Variants in NRXN3 observed in about 807,000 individuals in gnomAD.
NRXN3 encodes the protein neurexin 3.
NRXN3 carries 32 observed loss-of-function variants against 137.6 expected under a neutral mutation model. The observed-to-expected ratio is 0.23, with a 90% CI of 0.18 to 0.31. The LOEUF (loss-of-function observed/expected upper bound fraction) is 0.31, where lower values mean the gene tolerates loss of function less well. Among genes scored for constraint, NRXN3 ranks in the 10% least tolerant of loss-of-function variants. The probability of loss-of-function intolerance (pLI) is 1.00; values close to 1 mark genes in which losing one functional copy is unlikely to be tolerated. For missense variants in NRXN3, 1,574 were observed against 2,062.5 expected (o/e 0.76, Z 4.59); for synonymous variants, 798 against 784.5 (o/e 1.02, Z -0.29).
chr14:79,706,247 G>A (rs1017264546), intron 19 of NRXN3, among the ~76,000 whole-genome samples: 5 of 152,108 alleles, frequency 3.3e-5, no homozygotes, highest in Admixed American at 6.6e-5. Context: ...ATTCTAGCAC[G>A]TATAGTTTTC....
intron 15 of NRXN3, among the ~76,000 whole-genome samples, chr14:79,055,226 C>T (rs2099656148): frequency 6.6e-6 from 1 of 152,124 alleles, no homozygotes; most frequent in African/African-American, 2.4e-5. Context: ...TAAAGGATGC[C>T]AAGACAGGTG....
chr14:79,629,824 T>C (rs1180762514), intron 16 of NRXN3, among the ~76,000 whole-genome samples: 5 of 73,160 alleles, frequency 6.8e-5, no homozygotes, highest in South Asian at 3.5e-4. Context: ...CGTGTGTGTG[T>C]GCGTGTGTGT....
In NRXN3 at chr14:78,173,629, C is replaced by G. The variant is rs148124376; in HGVS notation, c.-704+2955C>G. 1.4e-3 allele frequency among the ~76,000 whole-genome samples: 203 copies of G among 146,942 alleles called. 1 individual carries two copies. Among genetic ancestry groups the G allele is most frequent in the Admixed American group, 2.5e-3 (37 of 14,716 alleles). ...CTCCCCCCACCCTAGGCGCACCCCC[C>G]CTTCCTCCAGCCCTTTCCATCTTCA... On this transcript the variant is annotated intron_variant, in intron 1 of 20. Coordinates refer to ENST00000335750, the MANE Select transcript of NRXN3 (RefSeq NM_001330195.2).
intron 8 of NRXN3, among the ~76,000 whole-genome samples, chr14:78,748,498 A>G (rs193093782): frequency 2.6e-4 from 40 of 152,290 alleles, no homozygotes; most frequent in Admixed American, 4.6e-4. Flanking sequence ...GAAATTATTG[A>G]AAGAGCTAAA....
chr14:78,816,516 A>G (rs1271111459), intron 10 of NRXN3, among the ~76,000 whole-genome samples: 2 of 152,298 alleles, frequency 1.3e-5, no homozygotes, highest in Admixed American at 1.3e-4. Context: ...TAATAGCCAC[A>G]TAACATTTCA....
At chr14:78,849,515 T>C (rs748820738) in intron 10 of NRXN3, among the ~76,000 whole-genome samples, 6 of 152,152 alleles carry the variant, frequency 3.9e-5, no homozygotes, top group Admixed American at 3.9e-4. Context: ...TTCCATGATG[T>C]CCCACAAGAG....
At chr14:78,335,747 T>C (rs1409914870) in intron 4 of NRXN3, among the ~76,000 whole-genome samples, 1 of 151,978 alleles carries the variant, frequency 6.6e-6, no homozygotes, top group Non-Finnish European at 1.5e-5. Flanking sequence ...CTCTGAGTCA[T>C]GACAAAAATG....
intron 4 of NRXN3, among the ~76,000 whole-genome samples, chr14:78,430,932 T>C (rs1468075564): frequency 6.6e-6 from 1 of 152,220 alleles, no homozygotes; most frequent in East Asian, 1.9e-4. Context: ...CCTAGAGAGT[T>C]CTGGGAATTG....
intron 10 of NRXN3, among the ~76,000 whole-genome samples, chr14:78,832,363 T>G (rs2098984899): frequency 6.6e-6 from 1 of 152,208 alleles, no homozygotes; most frequent in African/African-American, 2.4e-5. Flanking sequence ...TTTTACTTTA[T>G]AAGGAGGCAG....
intron 15 of NRXN3, among the ~76,000 whole-genome samples, chr14:79,444,298 T>G (rs182464747): frequency 1.6e-3 from 249 of 152,316 alleles, no homozygotes; most frequent in African/African-American, 5.7e-3. Context: ...CATATCCAAA[T>G]GTAATGTCCC....
rs572527410 is a variant in NRXN3, at chr14:78,715,967, G to C, written c.2044+828G>C. On this transcript the variant is annotated intron_variant, in intron 8 of 20. Coordinates refer to ENST00000335750, the MANE Select transcript of NRXN3 (RefSeq NM_001330195.2). ...CACTGTATAGTGAGCAACCCTGACA[G>C]TTGAGGACCTGAACAAAGTCCAGAA... is the stretch of plus-strand genomic sequence containing the variant. Among the ~76,000 whole-genome samples the C allele has an allele frequency of 5.3e-5, 8 of 152,250 alleles. No individual in the cohort carries two copies. The East Asian group carries it at 1.5e-3, about 29-fold the overall frequency.
chr14:79,563,252 A>G (rs1390396704), intron 16 of NRXN3, among the ~76,000 whole-genome samples: 1 of 152,160 alleles, frequency 6.6e-6, no homozygotes, highest in Non-Finnish European at 1.5e-5. Flanking sequence ...GAAACGGAGA[A>G]GTAGAGAATT....
chr14:78,873,333 G>A (rs1034917815), intron 10 of NRXN3, among the ~76,000 whole-genome samples: 1 of 152,020 alleles, frequency 6.6e-6, no homozygotes, highest in African/African-American at 2.4e-5. Context: ...AACCATTTTA[G>A]TAGGATTTTG....
At chr14:78,285,190 A>G (rs1278147149) in intron 3 of NRXN3, among the ~76,000 whole-genome samples, 1 of 152,200 alleles carries the variant, frequency 6.6e-6, no homozygotes, top group Non-Finnish European at 1.5e-5. Flanking sequence ...AATAGCAACC[A>G]GGAGAATGCC....
chr14:78,910,776 C>T (rs2099235158), intron 10 of NRXN3, among the ~76,000 whole-genome samples: 1 of 152,086 alleles, frequency 6.6e-6, no homozygotes, highest in Non-Finnish European at 1.5e-5. Flanking sequence ...TCTCATTTAC[C>T]AATGTTAACA....
At chr14:79,269,094 G>C (rs972069265) in intron 15 of NRXN3, among the ~76,000 whole-genome samples, 4 of 150,366 alleles carry the variant, frequency 2.7e-5, no homozygotes, top group Non-Finnish European at 5.9e-5. Context: ...CTGTCGCCAA[G>C]GCTGGAGTGC....
chr14:79,511,783 C>T (rs935587664), intron 16 of NRXN3, among the ~76,000 whole-genome samples: 1 of 152,190 alleles, frequency 6.6e-6, no homozygotes, highest in Non-Finnish European at 1.5e-5. Flanking sequence ...ACTGGATGAA[C>T]TTTTCAAGCT....
chr14:79,085,803 T>C (rs1355187660), intron 15 of NRXN3, among the ~76,000 whole-genome samples: 3 of 152,208 alleles, frequency 2.0e-5, no homozygotes, highest in African/African-American at 7.2e-5. Context: ...AAGATTCATA[T>C]TGGAGTTTTC....
chr14:79,540,683 A>G (rs1382197488), intron 16 of NRXN3, among the ~76,000 whole-genome samples: 2 of 152,206 alleles, frequency 1.3e-5, no homozygotes, highest in Non-Finnish European at 2.9e-5. Context: ...ATGGAAACAC[A>G]AGAGAGGACA....
Sources: gnomAD v4.1 joint callset for allele counts (sites outside exome capture counted in the v4.1 genomes callset) on GRCh38, gnomAD v4.1.1 for gene constraint, MANE v1.5 for transcripts, NCBI Gene and HGNC (gene_info 2026-07-23, HGNC 2026-07-21) for gene names.